The following SLCO1B1 variants were observed in gnomAD, a reference collection of about 807,000 sequenced individuals.
SLCO1B1 encodes the protein solute carrier organic anion transporter family member 1B1.
Under a neutral mutation model 70.1 loss-of-function variants are expected in SLCO1B1, and 81 were observed. The ratio of observed to expected loss-of-function variants is 1.16; its 90% CI spans 0.97 to 1.39. The LOEUF is 1.39. Ranked by LOEUF, SLCO1B1 falls within the 40% of genes most tolerant of loss-of-function variation. The pLI, the probability that SLCO1B1 is intolerant of heterozygous loss-of-function variation, is 0.00. For missense variants in SLCO1B1, 895 were observed against 799.6 expected (o/e 1.12, Z -1.44); for synonymous variants, 283 against 271.5 (o/e 1.04, Z -0.42).
intron 12 of SLCO1B1, among the ~76,000 whole-genome samples, chr12:21,220,274 T>A (rs2121185650): frequency 6.6e-6 from 1 of 152,326 alleles, no homozygotes; most frequent in Non-Finnish European, 1.5e-5. Context: ...GAGCAGCCTG[T>A]TCAATATCTA....
intron 7 of SLCO1B1, among the ~76,000 whole-genome samples, chr12:21,179,412 T>C (rs1475872176): frequency 6.6e-6 from 1 of 152,182 alleles, no homozygotes; most frequent in Non-Finnish European, 1.5e-5. Flanking sequence ...GCTGCATTGA[T>C]TTATGGCTGG....
At chr12:21,159,944 T>G (rs911301998) in intron 2 of SLCO1B1, among the ~76,000 whole-genome samples, 2 of 151,640 alleles carry the variant, frequency 1.3e-5, no homozygotes, top group Non-Finnish European at 2.9e-5. Context: ...ACAATGAGAC[T>G]TATGAAACAC....
At position 21,178,582 on chromosome 12, in the gene SLCO1B1, T is replaced by C; in HGVS notation, c.488T>C (p.Leu163Ser). 1 of 1,604,932 alleles carries C rather than the reference T, an allele frequency of 6.2e-7. No individual in the cohort carries two copies. Among genetic ancestry groups the C allele is most frequent in the East Asian group, 2.2e-5 (1 of 44,774 alleles). The change falls in exon 6 of 15, where the codon TTA (leucine) becomes TCA (serine). Residue 163 changes from leucine to serine, a missense_variant. Transcript: ENST00000256958. Reference sequence around the variant, plus strand: ...CACTCTCTTATCTACATAGGTTGTTTAAAGGAATCTGGGTCATACATGTGG... The same window carrying C: ...CACTCTCTTATCTACATAGGTTGTTCAAAGGAATCTGGGTCATACATGTGG... ...ASPEIVGKGC[L>S]KESGSYMWIY...
In SLCO1B1 at chr12:21,186,757, G is replaced by A. The variant is rs114135784; in HGVS notation, c.727+7737G>A. Among the ~76,000 whole-genome samples the A allele has an allele frequency of 6.5e-3, 988 of 152,012 alleles. 7 individuals carry two copies. Among genetic ancestry groups the A allele is most frequent in the African/African-American group, 0.022 (907 of 41,472 alleles). On this transcript the variant is annotated intron_variant, in intron 7 of 14. Coordinates refer to ENST00000256958, the MANE Select transcript of SLCO1B1 (RefSeq NM_006446.5). ...AATCTTGCACTTTTAGTAATATACC[G>A]TCTTATCTCATATTGAAAATGAAAT... is the stretch of plus-strand genomic sequence containing the variant.
At chr12:21,173,494 T>A (rs1940779944) in intron 3 of SLCO1B1, among the ~76,000 whole-genome samples, 1 of 152,088 alleles carries the variant, frequency 6.6e-6, no homozygotes, top group African/African-American at 2.4e-5. Context: ...AAGTTCTAAT[T>A]TGTATATTTA....
chr12:21,169,635 TTGTC>T (rs1225661554), intron 2 of SLCO1B1, among the ~76,000 whole-genome samples: 1 of 152,208 alleles, frequency 6.6e-6, no homozygotes, highest in East Asian at 1.9e-4. Flanking sequence ...TTTCATTTAA[TTGTC>T]TGTTCATATT....
At chr12:21,179,199 T>G (rs547574972) in intron 7 of SLCO1B1, among the ~76,000 whole-genome samples, 179 bp downstream of exon 7, 16 of 152,286 alleles carry the variant, frequency 1.1e-4, no homozygotes, top group Non-Finnish European at 1.9e-4. Context: ...CAGCTCCTAT[T>G]TATACTATCT....
chr12:21,152,532 G>GATTTTTTTTTTTTTTT, intron 2 of SLCO1B1, among the ~76,000 whole-genome samples: 1 of 7,918 alleles, frequency 1.3e-4, no homozygotes, highest in Non-Finnish European at 6.1e-4. Context: ...GAGAGGAGAG[G>GATTTTTTTTTTTTTTT]CTTTTTTTTT....
intron 7 of SLCO1B1, among the ~76,000 whole-genome samples, chr12:21,189,543 G>A (rs1320868333): frequency 2.0e-5 from 3 of 152,008 alleles, no homozygotes; most frequent in African/African-American, 7.2e-5. Context: ...TGCCTGCCAG[G>A]TTCCAGTGAT....
intron 2 of SLCO1B1, 106 bp downstream of exon 2, chr12:21,141,764 C>T: frequency 3.1e-6 from 2 of 651,738 alleles, no homozygotes. Context: ...TTATAATTTT[C>T]AATTGAAGCA....
At position 21,222,349 on chromosome 12, in the gene SLCO1B1, GT is replaced by G; in HGVS notation, c.1734del (p.Ile579TyrfsTer4). ...KSLALGFHSM[V>X]IRALGGILAP... Reference sequence around the variant, plus strand: ...ACTTGCACTGGGTTTCCACTCAATGGTTATACGAGCACTAGGTATGATGAAA... The same window carrying G: ...ACTTGCACTGGGTTTCCACTCAATGGTATACGAGCACTAGGTATGATGAAA... On this transcript the variant is annotated frameshift_variant, in exon 13 of 15. Transcript: ENST00000256958. LOFTEE classifies it high-confidence loss of function. The G allele has an allele frequency of 3.7e-6, 2 of 545,430 alleles. No homozygotes were observed. Among genetic ancestry groups the G allele is most frequent in the Non-Finnish European group, 5.5e-6 (2 of 366,246 alleles). The allele number at this position is 545,430 out of a possible 1,614,324, so 33.8% of individuals were successfully genotyped here. A position where few individuals can be genotyped will look rare whatever the true frequency, so the allele number is the denominator to read the frequency against.
chr12:21,155,910 C>G (rs1940537228), intron 2 of SLCO1B1, among the ~76,000 whole-genome samples: 1 of 152,170 alleles, frequency 6.6e-6, no homozygotes, highest in Non-Finnish European at 1.5e-5. Flanking sequence ...TTCAGAGCTA[C>G]TCTGATTTTA....
At chr12:21,221,648 A>G (rs564433308) in intron 12 of SLCO1B1, among the ~76,000 whole-genome samples, 1 of 152,176 alleles carries the variant, frequency 6.6e-6, no homozygotes, top group Admixed American at 6.5e-5. Flanking sequence ...AACAACAAAC[A>G]TATGACAAAA....
chr12:21,217,313 AC>A lies in SLCO1B1; in HGVS notation c.1682+11del. Reference sequence around the variant, plus strand: ...TCATGCTGATTGTTAAGTAAGTATGACTTTTAAAAACATTTTCATATGCATG... The same window carrying A: ...TCATGCTGATTGTTAAGTAAGTATGATTTTAAAAACATTTTCATATGCATG... On this transcript the variant is annotated intron_variant, in intron 12 of 14. Transcript: ENST00000256958. 6.2e-7 allele frequency: 1 copy of A among 1,609,224 alleles called. No homozygotes were observed. Among genetic ancestry groups the A allele is most frequent in the Non-Finnish European group, 8.5e-7 (1 of 1,175,684 alleles).
At chr12:21,229,627 T>A (rs1468536190) in intron 14 of SLCO1B1, among the ~76,000 whole-genome samples, 2 of 152,214 alleles carry the variant, frequency 1.3e-5, no homozygotes, top group African/African-American at 4.8e-5. Context: ...ATTCACCTAC[T>A]GAGGGCATCT....
At chr12:21,137,557 C>G (rs748019983) in intron 1 of SLCO1B1, among the ~76,000 whole-genome samples, 25 of 152,192 alleles carry the variant, frequency 1.6e-4, no homozygotes, top group Non-Finnish European at 2.9e-4. Flanking sequence ...CTCCCCCAGC[C>G]TCGCTGCCAC....
At chr12:21,207,953 G>A (rs1230796664) in intron 11 of SLCO1B1, among the ~76,000 whole-genome samples, 1 of 151,944 alleles carries the variant, frequency 6.6e-6, no homozygotes, top group Non-Finnish European at 1.5e-5. Context: ...TTTGAGAAGT[G>A]TCTGTTCATG....
At chr12:21,146,571 A>C (rs1940385511) in intron 2 of SLCO1B1, among the ~76,000 whole-genome samples, 1 of 152,138 alleles carries the variant, frequency 6.6e-6, no homozygotes. Context: ...TAACATATGC[A>C]TTCAGTGCAA....
chr12:21,174,404 A>G (rs916799920), intron 3 of SLCO1B1, among the ~76,000 whole-genome samples, 173 bp from the exon 4 acceptor site: 5 of 152,096 alleles, frequency 3.3e-5, no homozygotes, highest in Non-Finnish European at 7.4e-5. Flanking sequence ...TGTATTTAAA[A>G]CAACTTTTCA....
Sources: allele counts gnomAD v4.1 joint callset (sites outside exome capture counted in the v4.1 genomes callset), GRCh38; gene constraint gnomAD v4.1.1; transcripts MANE v1.5; gene names NCBI Gene and HGNC (gene_info 2026-07-23, HGNC 2026-07-21).